Variants in CA5A observed in about 807,000 individuals in gnomAD.
CA5A encodes the protein carbonic anhydrase 5A, mitochondrial.
CA5A carries 28 observed loss-of-function variants against 37.1 expected under a neutral mutation model. The ratio of observed to expected loss-of-function variants is 0.75; its 90% CI spans 0.56 to 1.03. CA5A has a LOEUF of 1.03. Among genes scored for constraint, CA5A ranks in the 50% least tolerant of loss-of-function variants. CA5A has a pLI of 0.00. For missense variants in CA5A, 444 were observed against 399.9 expected, an observed-to-expected ratio of 1.11 and a Z score of -0.94; for synonymous variants, 171 against 158.4, an observed-to-expected ratio of 1.08 and a Z score of -0.60.
At chr16:87,914,717 G>C (rs1207428361) in intron 2 of CA5A, among the ~76,000 whole-genome samples, 2 of 152,174 alleles carry the variant, frequency 1.3e-5, no homozygotes, top group Non-Finnish European at 2.9e-5. Context: ...GGCGGGCGCA[G>C]GGCGGGAGCA....
intron 2 of CA5A, among the ~76,000 whole-genome samples, chr16:87,919,953 C>T (rs779585362): frequency 1.3e-5 from 2 of 152,192 alleles, no homozygotes; most frequent in Non-Finnish European, 2.9e-5. Context: ...CACACATCAC[C>T]GCTCTCGTCC....
intron 1 of CA5A, among the ~76,000 whole-genome samples, chr16:87,934,204 TG>T (rs1198006660): frequency 6.6e-6 from 1 of 152,250 alleles, no homozygotes; most frequent in East Asian, 1.9e-4. Flanking sequence ...CCAACGACAC[TG>T]TGCCGTAAGC....
chr16:87,902,036 C>G (rs1481956909), intron 4 of CA5A, 62 bp from the exon 5 acceptor site: 4 of 1,426,074 alleles, frequency 2.8e-6, no homozygotes, highest in Admixed American at 3.4e-5. Context: ...GAAGCTCACT[C>G]CACTGTAAAT....
chr16:87,882,906 TG>T lies in CA5A; in HGVS notation c.*17-968del, dbSNP rs537166999. On this transcript the variant is annotated intron_variant, in intron 4 of 4. Transcript: ENST00000648177. The stretch of plus-strand genomic sequence containing the variant: ...CTTTAAAGAGCCAGACGCTTTATTT[TG>T]GGGGGGCGTGGAGGGGTGGAGTCTC... 1.6e-3 allele frequency: 247 copies of T among 152,454 alleles called. 1 individual carries two copies. Among genetic ancestry groups the T allele is most frequent in the African/African-American group, 5.8e-3 (240 of 41,564 alleles). 9.4% of individuals were successfully genotyped at this position (152,454 alleles called of 1,614,324 possible).
intron 6 of CA5A, among the ~76,000 whole-genome samples, chr16:87,890,653 T>A (rs1055903762): frequency 6.6e-6 from 1 of 152,194 alleles, no homozygotes; most frequent in Non-Finnish European, 1.5e-5. Context: ...TGTCACTCTG[T>A]CACCCAGGTT....
intron 2 of CA5A, 119 bp downstream of exon 2, chr16:87,926,629 C>G: frequency 1.3e-6 from 1 of 788,614 alleles, no homozygotes; most frequent in East Asian, 2.5e-5. Flanking sequence ...TGTCCCTGCC[C>G]CAGCAGCACA....
At chr16:87,925,579 C>T (rs1236736798) in intron 2 of CA5A, 1 of 152,336 alleles carries the variant, frequency 6.6e-6, no homozygotes, top group East Asian at 1.9e-4. Context: ...CTTACAGTGA[C>T]ACCAGCTGGT....
chr16:87,933,819 AACACCG>A (rs1796295275), intron 1 of CA5A, among the ~76,000 whole-genome samples: 1 of 152,190 alleles, frequency 6.6e-6, no homozygotes, highest in South Asian at 2.1e-4. Flanking sequence ...CCATAAATAA[AACACCG>A]ACATAGAAGG....
At chr16:87,887,146 TC>T (rs1344582091), downstream of CA5A, 1 of 152,120 alleles carries the variant, frequency 6.6e-6, no homozygotes, top group African/African-American at 2.4e-5. Flanking sequence ...CAGGTGGTCT[TC>T]CCGCCTCGGC....
chr16:87,923,419 C>T (rs535582368), intron 2 of CA5A: 5 of 346,152 alleles, frequency 1.4e-5, no homozygotes, highest in Non-Finnish European at 1.2e-5. Flanking sequence ...AACTTCTGAC[C>T]TCAGGTGATC....
rs2056317492 is a variant in CA5A at position 87,926,769 on chromosome 16, C to G, written c.319G>C (p.Asp107His). 1 of 1,613,786 alleles carries G rather than the reference C, an allele frequency of 6.2e-7. No homozygotes were observed. The highest frequency in any genetic ancestry group is 8.5e-7 in the Non-Finnish European group (1 of 1,179,830). The stretch of plus-strand genomic sequence containing the variant: ...TCACCTGATGCCTCGGTGGCATCGT[C>G]AAATTCCACCTGGAAGAGGTAGCCA... The part of the protein sequence containing the change: ...NTGYLFQVEF[D>H]DATEASGISG... Residue 107 changes from aspartate to histidine, a missense_variant, in exon 2 of 7, where the codon GAC (aspartate) becomes CAC (histidine). Asp to His is a moderately conservative substitution (Grantham distance 81). Coordinates refer to ENST00000649794, the MANE Select transcript of CA5A (RefSeq NM_001739.2).
chr16:87,899,951 A>AAG (rs1567518893), intron 5 of CA5A, among the ~76,000 whole-genome samples: 6 of 136,536 alleles, frequency 4.4e-5, no homozygotes, highest in Non-Finnish European at 7.9e-5. Context: ...AAAAAAAAAA[A>AAG]AGAGTCTAAC....
intron 2 of CA5A, among the ~76,000 whole-genome samples, chr16:87,920,752 G>A (rs1439222816): frequency 6.6e-6 from 1 of 152,128 alleles, no homozygotes; most frequent in African/African-American, 2.4e-5. Flanking sequence ...CCCAGTAGCT[G>A]GGATTACAGG....
chr16:87,916,265 G>A (rs1489947997), intron 2 of CA5A, among the ~76,000 whole-genome samples: 2 of 152,078 alleles, frequency 1.3e-5, no homozygotes, highest in Non-Finnish European at 1.5e-5. Context: ...TGGATAGCTT[G>A]AGGTTGGGAG....
rs753859043 is a variant in CA5A, at chr16:87,926,857, G to A, written c.231C>T (p.Asp77=). 6.2e-7 allele frequency: 1 copy of A among 1,613,390 alleles called. No homozygotes were observed. The highest frequency in any genetic ancestry group is 8.5e-7 in the Non-Finnish European group (1 of 1,179,540). ...AGACCCTGAGTGGCTTCAGCTGGGG[G>A]TCATAGACGCTGTCCCTCCACTGGA... ...INIQWRDSVY[D]PQLKPLRVSY... is the part of the protein sequence containing the mutation. Residue 77 remains aspartate, a synonymous_variant, in exon 2 of 7, where the codon GAC becomes GAT. Coordinates refer to ENST00000649794, the MANE Select transcript of CA5A (RefSeq NM_001739.2).
chr16:87,910,460 G>A (rs890510627), intron 2 of CA5A, among the ~76,000 whole-genome samples: 1 of 152,184 alleles, frequency 6.6e-6, no homozygotes. Flanking sequence ...CCTCACCCAG[G>A]TCTGACGGTC....
At chr16:87,935,158 C>T (rs2056454865) in intron 1 of CA5A, among the ~76,000 whole-genome samples, 1 of 152,226 alleles carries the variant, frequency 6.6e-6, no homozygotes, top group African/African-American at 2.4e-5. Flanking sequence ...CTCCTAAGCC[C>T]ATGCTCTTTC....
At chr16:87,893,211 T>A (rs1452815633) in intron 5 of CA5A, 1 of 425,010 alleles carries the variant, frequency 2.4e-6, no homozygotes. Context: ...CACTGCAGCC[T>A]CTGCTTCCTG....
At chr16:87,889,149 C>A (rs2055678277) in intron 6 of CA5A, among the ~76,000 whole-genome samples, 1 of 151,764 alleles carries the variant, frequency 6.6e-6, no homozygotes, top group South Asian at 2.1e-4. Context: ...AAACTCCTGA[C>A]CTCAGGTTAT....
Sources: gnomAD v4.1 joint callset for allele counts (sites outside exome capture counted in the v4.1 genomes callset) on GRCh38, gnomAD v4.1.1 for gene constraint, MANE v1.5 for transcripts, NCBI Gene and HGNC (gene_info 2026-07-23, HGNC 2026-07-21) for gene names.